The following SV2C variants were observed in gnomAD, a reference collection of about 807,000 sequenced individuals.
SV2C encodes solute carrier family 22 member B3.
In SV2C, 49 loss-of-function variants were observed where a neutral mutation model predicts 79.7. The observed-to-expected ratio is 0.61, with a 90% CI of 0.49 to 0.78. The LOEUF (loss-of-function observed/expected upper bound fraction) is 0.78. Among genes scored for constraint, SV2C ranks in the 30% least tolerant of loss-of-function variants. SV2C has a pLI of 0.00. For missense variants in SV2C, 833 were observed against 912.9 expected (o/e 0.91, Z 1.13); for synonymous variants, 334 against 333.2 (o/e 1.00, Z -0.03).
upstream of SV2C, chr5:76,083,153 A>C (rs1293273269): frequency 1.3e-5 from 2 of 152,376 alleles, no homozygotes; most frequent in African/African-American, 4.8e-5. Context: ...CCCACACCGC[A>C]GCAGCGCCTC....
chr5:75,920,076 A>G, the SV2C span, among the ~76,000 whole-genome samples: 2 of 152,258 alleles, frequency 1.3e-5, no homozygotes, highest in Non-Finnish European at 2.9e-5. Context: ...ACATGGCCAT[A>G]GAAGTTAAAG....
At chr5:76,013,762 C>T in the SV2C span, among the ~76,000 whole-genome samples, 3 of 152,008 alleles carry the variant, frequency 2.0e-5, no homozygotes, top group Admixed American at 6.6e-5. Context: ...TGTCATCAGG[C>T]ACTTGCATGT....
intron 1 of SV2C, among the ~76,000 whole-genome samples, chr5:76,102,246 A>G (rs1280450248): frequency 6.6e-6 from 1 of 152,150 alleles, no homozygotes; most frequent in Non-Finnish European, 1.5e-5. Context: ...CAAGTCCTTG[A>G]TGGCATCATG....
the SV2C span, among the ~76,000 whole-genome samples, chr5:75,869,396 C>T: frequency 0.23 from 34,322 of 152,060 alleles, 5,503 homozygotes; most frequent in African/African-American, 0.46. Flanking sequence ...GTGGTGGTAA[C>T]GGCCACAGGG....
At chr5:75,996,614 G>A in the SV2C span, among the ~76,000 whole-genome samples, 1 of 152,102 alleles carries the variant, frequency 6.6e-6, no homozygotes, top group African/African-American at 2.4e-5. Flanking sequence ...TCCTACCCAT[G>A]AGCATGGAAT....
intron 12 of SV2C, among the ~76,000 whole-genome samples, chr5:76,350,867 A>G (rs1561329638): frequency 6.6e-6 from 1 of 152,090 alleles, no homozygotes; most frequent in Non-Finnish European, 1.5e-5. Flanking sequence ...TACAAAAATG[A>G]GCCAGGTGTG....
In SV2C at chr5:76,131,856, C is replaced by T. The variant is rs377133919; in HGVS notation, c.106C>T (p.Arg36Ter). The T allele has an allele frequency of 1.8e-5, 29 of 1,613,826 alleles. No homozygotes were observed. Among genetic ancestry groups the T allele is most frequent in the East Asian group, 1.3e-4 (6 of 44,864 alleles). ...AAAGAAGGTGAATCAAGCTGTGGAC[C>T]GAGCCCAGGATGAATACACCCAGAG... ...TVKKVNQAVD[R>*]AQDEYTQRSY... The change falls in exon 2 of 13, where the codon CGA (arginine) becomes TGA (stop). Residue 36 changes from arginine to a stop codon, truncating the protein, a stop_gained. Transcript: ENST00000502798. LOFTEE classifies it high-confidence loss of function.
chr5:75,968,855 C>T, the SV2C span, among the ~76,000 whole-genome samples: 677 of 152,250 alleles, frequency 4.4e-3, 8 homozygotes, highest in African/African-American at 0.015. Context: ...AGAAGAGCAA[C>T]TTCAAGACAC....
the SV2C span, among the ~76,000 whole-genome samples, chr5:75,940,720 A>G: frequency 6.6e-6 from 1 of 152,230 alleles, no homozygotes; most frequent in Admixed American, 6.5e-5. Context: ...TGATCCTAAC[A>G]GTAGTTACAA....
intron 2 of SV2C, among the ~76,000 whole-genome samples, chr5:76,154,569 A>G (rs1742664325): frequency 6.6e-6 from 1 of 152,230 alleles, no homozygotes; most frequent in African/African-American, 2.4e-5. Context: ...AGCTGCATGC[A>G]TAGCAGAATT....
the SV2C span, among the ~76,000 whole-genome samples, chr5:76,060,021 ATT>A: frequency 6.6e-6 from 1 of 152,046 alleles, no homozygotes. Context: ...TGAAAGAAAA[ATT>A]TTTTAATGAG....
the SV2C span, among the ~76,000 whole-genome samples, chr5:76,017,680 TCATTTTA>T: frequency 6.6e-6 from 1 of 152,150 alleles, no homozygotes; most frequent in African/African-American, 2.4e-5. Flanking sequence ...AACACAAAAA[TCATTTTA>T]CAGCCACTTG....
At chr5:75,895,979 T>A in the SV2C span, among the ~76,000 whole-genome samples, 4 of 152,228 alleles carry the variant, frequency 2.6e-5, no homozygotes, top group South Asian at 6.2e-4. Flanking sequence ...TTGCACTATA[T>A]ACACACATAC....
the SV2C span, among the ~76,000 whole-genome samples, chr5:75,956,454 A>G: frequency 1.3e-4 from 19 of 151,212 alleles, no homozygotes; most frequent in African/African-American, 4.6e-4. Flanking sequence ...AGAGATGACG[A>G]GTTAGTGGGT....
intron 4 of SV2C, among the ~76,000 whole-genome samples, chr5:76,224,668 A>T (rs1450000725): frequency 6.6e-6 from 1 of 152,162 alleles, no homozygotes; most frequent in African/African-American, 2.4e-5. Flanking sequence ...TGCTTCCCTC[A>T]TATCTTAGGG....
chr5:76,084,718 C>T lies in SV2C; in HGVS notation c.-102+1206C>T, dbSNP rs542523178. On this transcript the variant is annotated intron_variant, in intron 1 of 12. Transcript: ENST00000502798. ...GGCGGGGGTGGCGGGCGGGGGCAGG[C>T]GACGGAGTCTCCGTCTGGGAGCGCG... 8.7e-3 allele frequency among the ~76,000 whole-genome samples: 1,327 copies of T among 151,798 alleles called. 26 individuals are homozygous for T. The highest frequency in any genetic ancestry group is 0.031 in the African/African-American group (1,263 of 41,330).
intron 4 of SV2C, among the ~76,000 whole-genome samples, chr5:76,214,382 G>A (rs906263890): frequency 1.1e-4 from 17 of 152,056 alleles, no homozygotes; most frequent in African/African-American, 3.9e-4. Flanking sequence ...ATTCTGTTCC[G>A]TTGGTCTACA....
chr5:75,907,962 G>C, the SV2C span, among the ~76,000 whole-genome samples: 1 of 152,332 alleles, frequency 6.6e-6, no homozygotes, highest in East Asian at 1.9e-4. Flanking sequence ...AGCACTAATG[G>C]GAGAGAGTGG....
chr5:76,025,655 C>T, the SV2C span, among the ~76,000 whole-genome samples: 1 of 152,096 alleles, frequency 6.6e-6, no homozygotes, highest in Admixed American at 6.5e-5. Context: ...GCATGATTTG[C>T]AGCACTGTTT....
Sources: gnomAD v4.1 joint callset for allele counts (sites outside exome capture counted in the v4.1 genomes callset) on GRCh38, gnomAD v4.1.1 for gene constraint, MANE v1.5 for transcripts, NCBI Gene and HGNC (gene_info 2026-07-23, HGNC 2026-07-21) for gene names.